The following SLC44A2 variants were observed in gnomAD, a reference collection of about 807,000 sequenced individuals.
SLC44A2 encodes the protein solute carrier family 44 member 2 (CTL2 blood group).
SLC44A2 carries 57 observed loss-of-function variants against 90.8 expected under a neutral mutation model. The observed-to-expected ratio is 0.63, with a 90% CI of 0.51 to 0.78. SLC44A2 has a LOEUF of 0.78. Among genes scored for constraint, SLC44A2 ranks in the 30% least tolerant of loss-of-function variants. The pLI is 0.00. For synonymous variants in SLC44A2, 355 were observed against 360.7 expected (o/e 0.98, Z 0.18); for missense variants, 794 against 919.7 (o/e 0.86, Z 1.77).
intron 14 of SLC44A2, chr19:10,635,740 C>T: frequency 4.2e-6 from 2 of 480,094 alleles, no homozygotes; most frequent in Non-Finnish European, 7.3e-6. Flanking sequence ...GGCCTTCACC[C>T]TGGGTGCTAA....
chr19:10,635,743 G>A, intron 14 of SLC44A2: 1 of 467,684 alleles, frequency 2.1e-6, no homozygotes, highest in Non-Finnish European at 3.8e-6. Context: ...CTTCACCCTG[G>A]GTGCTAAATC....
intron 1 of SLC44A2, among the ~76,000 whole-genome samples, chr19:10,606,684 A>C (rs1428493437): frequency 6.6e-6 from 1 of 150,736 alleles, no homozygotes; most frequent in Non-Finnish European, 1.5e-5. Context: ...AGTGACGTGC[A>C]CCTGTAGTCC....
At position 10,618,306 on chromosome 19, in the gene SLC44A2, C is replaced by G. The variant is rs192852625; in HGVS notation, c.32-7947C>G. Among the ~76,000 whole-genome samples, 187 of 151,436 alleles carry G rather than the reference C, an allele frequency of 1.2e-3. 2 individuals are homozygous for G. The highest frequency in any genetic ancestry group is 0.01 in the Admixed American group (156 of 15,094). The stretch of plus-strand genomic sequence containing the variant: ...TCTTCTGCCTCAGCCTCCCGAGTAG[C>G]TGGGACTACAGACACATGCTGCCAC... On this transcript the variant is annotated intron_variant, in intron 1 of 21. Coordinates refer to the SLC44A2 transcript ENST00000407327.
At chr19:10,622,874 C>G (rs749483950), upstream of SLC44A2, among the ~76,000 whole-genome samples, 8 of 152,142 alleles carry the variant, frequency 5.3e-5, no homozygotes, top group Non-Finnish European at 1.2e-4. Context: ...TGCATTCCAG[C>G]CTGGGCGACA....
intron 1 of SLC44A2, among the ~76,000 whole-genome samples, chr19:10,612,715 T>C (rs2144812442): frequency 6.6e-6 from 1 of 152,332 alleles, no homozygotes; most frequent in African/African-American, 2.4e-5. Context: ...GGGCAGGCTG[T>C]GGCAGTTCTC....
In SLC44A2 at chr19:10,643,351, T is replaced by C. The variant is rs748464396; in HGVS notation, c.2087T>C (p.Leu696Ser). 6.2e-7 allele frequency: 1 copy of C among 1,613,082 alleles called. No homozygotes were observed. The highest frequency in any genetic ancestry group is 8.5e-7 in the Non-Finnish European group (1 of 1,179,468). The stretch of plus-strand genomic sequence containing the variant: ...ATGTCTTCCACCCTCAAGAAACTCT[T>C]GAACAAGACCAACAAGAAGGCAGCG... ...YFMSSTLKKL[L>S]NKTNKKAAES Residue 696 changes from leucine (L) to serine (S), a missense_variant, in exon 22 of 22, where the codon TTG becomes TCG. Leu to Ser is a moderately radical substitution (Grantham distance 145). This residue lies in a region of SLC44A2 where 44 missense variants were observed against 43.9 expected (regional missense o/e 1.00). Coordinates refer to ENST00000335757, the MANE Select transcript of SLC44A2 (RefSeq NM_020428.4).
intron 2 of SLC44A2, 71 bp downstream of exon 2, chr19:10,626,372 C>G (rs2066934057): frequency 8.7e-7 from 1 of 1,154,512 alleles, no homozygotes; most frequent in Non-Finnish European, 1.3e-6. Context: ...CACACCCCCT[C>G]CCATCTGTTC....
intron 1 of SLC44A2, among the ~76,000 whole-genome samples, chr19:10,604,199 G>A (rs909349065): frequency 1.3e-5 from 2 of 152,184 alleles, no homozygotes; most frequent in African/African-American, 4.8e-5. Flanking sequence ...AAGTTGTGAA[G>A]CAAAGAACAA....
At chr19:10,624,648 T>A (rs957592623), upstream of SLC44A2, among the ~76,000 whole-genome samples, 21 of 152,234 alleles carry the variant, frequency 1.4e-4, no homozygotes, top group African/African-American at 4.8e-4. Context: ...ATTTTGCAGT[T>A]GAGGAAACTG....
rs1175774668 is a variant in SLC44A2, at chr19:10,643,461, C to T, written c.*76C>T. On this transcript the variant is annotated 3_prime_UTR_variant, in exon 22 of 22. Transcript: ENST00000335757. ...GTAGCTGGGTCTGTTCCCCCAGCCCCTTGGGCTCACCTGAAGTCCTATCAC... is the reference window on the plus strand; with the variant it reads ...GTAGCTGGGTCTGTTCCCCCAGCCCTTTGGGCTCACCTGAAGTCCTATCAC... 4 of 1,516,412 alleles carry T rather than the reference C, an allele frequency of 2.6e-6. No homozygotes were observed. The highest frequency in any genetic ancestry group is 2.4e-5 in the East Asian group (1 of 40,840). The allele number at this position is 1,516,412 out of a possible 1,614,324, so 93.9% of individuals were successfully genotyped here.
chr19:10,612,606 G>T (rs1918337119), intron 1 of SLC44A2, among the ~76,000 whole-genome samples: 1 of 152,222 alleles, frequency 6.6e-6, no homozygotes, highest in Admixed American at 6.5e-5. Context: ...GGCTGTACGG[G>T]TGAGGCCTTG....
rs537775058 is a variant in SLC44A2, at chr19:10,643,881, C to G, written c.*496C>G. On this transcript the variant is annotated 3_prime_UTR_variant, in exon 22 of 22. Transcript: ENST00000335757. Reference sequence around the variant, plus strand: ...TTCTTTATTATTATTATTTTTTAACCTGGACATGCATTAAAGGGTCTATTA... The same window carrying G: ...TTCTTTATTATTATTATTTTTTAACGTGGACATGCATTAAAGGGTCTATTA... The G allele has an allele frequency of 6.5e-6, 1 of 153,284 alleles. No homozygotes were observed. Among genetic ancestry groups the G allele is most frequent in the African/African-American group, 2.4e-5 (1 of 41,424 alleles). The allele number at this position is 153,284 out of a possible 1,614,324, so 9.5% of individuals were successfully genotyped here. A position where few individuals can be genotyped will look rare whatever the true frequency, so the allele number is the denominator to read the frequency against.
chr19:10,636,726 A>G lies in SLC44A2; in HGVS notation c.1561A>G (p.Ile521Val). ...ILAIVQIIRV[I>V]LEYLDQRLKA... ...GGCCATTGTGCAGATCATCCGTGTG[A>G]TACTCGAGTACCTGGATCAGCGGCT... The change falls in exon 16 of 22, where the codon ATA becomes GTA. Residue 521 changes from isoleucine to valine, a missense_variant. Physicochemically the swap from Ile to Val is conservative, Grantham distance 29. Coordinates refer to ENST00000335757, the MANE Select transcript of SLC44A2 (RefSeq NM_020428.4). 1.2e-6 allele frequency: 2 copies of G among 1,613,856 alleles called. No individual in the cohort carries two copies. The highest frequency in any genetic ancestry group is 1.7e-6 in the Non-Finnish European group (2 of 1,179,920).
chr19:10,622,121 A>G (rs1051461858), upstream of SLC44A2, among the ~76,000 whole-genome samples: 34 of 152,190 alleles, frequency 2.2e-4, no homozygotes, highest in African/African-American at 6.8e-4. Context: ...CTGAGAGAAG[A>G]GCATTCTAAG....
chr19:10,611,829 C>T (rs947878289), intron 1 of SLC44A2, among the ~76,000 whole-genome samples: 1 of 152,064 alleles, frequency 6.6e-6, no homozygotes, highest in African/African-American at 2.4e-5. Context: ...CTCAAATATA[C>T]AAGTAAACAA....
intron 16 of SLC44A2, 187 bp downstream of exon 16, chr19:10,636,943 A>C: frequency 1.6e-6 from 1 of 614,442 alleles, no homozygotes; most frequent in Admixed American, 3.1e-5. Flanking sequence ...CAAACCAGAG[A>C]ACCTACTGGG....
chr19:10,633,833 T>C (rs1403875795), intron 10 of SLC44A2, among the ~76,000 whole-genome samples: 1 of 152,106 alleles, frequency 6.6e-6, no homozygotes, highest in African/African-American at 2.4e-5. Flanking sequence ...CATAGTAAAA[T>C]ATTCATATTA....
At chr19:10,618,488 T>C (rs1487743656) in intron 1 of SLC44A2, among the ~76,000 whole-genome samples, 1 of 142,162 alleles carries the variant, frequency 7.0e-6, no homozygotes, top group Admixed American at 7.1e-5. Flanking sequence ...TTTTTTTTTT[T>C]TTTTTTTTTG....
At chr19:10,623,181 T>G (rs1379413134), upstream of SLC44A2, among the ~76,000 whole-genome samples, 1 of 151,930 alleles carries the variant, frequency 6.6e-6, no homozygotes, top group East Asian at 1.9e-4. Context: ...GGCAGAGACT[T>G]CGAGAACCAC....
Sources: gnomAD v4.1 joint callset for allele counts (sites outside exome capture counted in the v4.1 genomes callset) on GRCh38, gnomAD v4.1.1 for gene constraint, gnomAD v4.1.1 regional missense constraint, MANE v1.5 for transcripts, NCBI Gene and HGNC (gene_info 2026-07-23, HGNC 2026-07-21) for gene names.